The following TRIM26 variants were observed in gnomAD, a reference collection of about 807,000 sequenced individuals.
TRIM26 encodes tripartite motif containing 26, also known as tripartite motif-containing protein 26.
In TRIM26, 16 loss-of-function variants were observed where a neutral mutation model predicts 45.5. That is an observed-to-expected ratio of 0.35 (90% CI 0.24 to 0.53). The LOEUF (loss-of-function observed/expected upper bound fraction) is 0.53, where lower values mean the gene tolerates loss of function less well. TRIM26 is among the 20% of genes least tolerant of loss of function. The pLI, the probability that TRIM26 is intolerant of heterozygous loss-of-function variation, is 0.92. For missense variants in TRIM26, 442 were observed against 691.1 expected (o/e 0.64, Z 4.04); for synonymous variants, 273 against 290.4 (o/e 0.94, Z 0.61).
intron 6 of TRIM26, among the ~76,000 whole-genome samples, chr6:30,193,164 A>G (rs867176350): frequency 6.9e-4 from 20 of 29,016 alleles, no homozygotes; most frequent in Non-Finnish European, 9.9e-4. Flanking sequence ...GTGTGTGTGT[A>G]TATATATATA....
intron 6 of TRIM26, among the ~76,000 whole-genome samples, chr6:30,191,749 C>T (rs1305078073): frequency 6.6e-6 from 1 of 152,200 alleles, no homozygotes; most frequent in African/African-American, 2.4e-5. Flanking sequence ...GAAGCAAGTG[C>T]CCAGAGACTG....
chr6:30,189,052 A>C lies in TRIM26; in HGVS notation c.937+115T>G. 8.4e-7 allele frequency: 1 copy of C among 1,192,292 alleles called. No individual in the cohort carries two copies. Among genetic ancestry groups the C allele is most frequent in the Non-Finnish European group, 1.2e-6 (1 of 837,962 alleles). 73.9% of individuals were successfully genotyped at this position (1,192,292 alleles called of 1,614,324 possible). A position where few individuals can be genotyped will look rare whatever the true frequency, so the allele number is the denominator to read the frequency against. ...GGGGGGCTTCTATTGTGCAGCTGGGAAATTCTTCCTGTTGCAAAAGGGGCT... is the reference window on the plus strand; with the variant it reads ...GGGGGGCTTCTATTGTGCAGCTGGGCAATTCTTCCTGTTGCAAAAGGGGCT... On this transcript the variant is annotated intron_variant, in intron 9 of 9. Coordinates refer to ENST00000454678, the MANE Select transcript of TRIM26 (RefSeq NM_003449.5). This position sits in a 1 kb window ranked among gnomAD's most constrained non-coding sequence, Gnocchi z 5.0.
intron 9 of TRIM26, chr6:30,188,380 A>C: frequency 2.4e-6 from 1 of 412,856 alleles, no homozygotes; most frequent in East Asian, 3.7e-5. Context: ...AAGATGGTTC[A>C]AGAAACCCTG....
intron 1 of TRIM26, among the ~76,000 whole-genome samples, chr6:30,212,074 C>T (rs1778342751): frequency 6.6e-6 from 1 of 152,206 alleles, no homozygotes; most frequent in Non-Finnish European, 1.5e-5. Flanking sequence ...AATATTAAGT[C>T]ATAAATCATG....
chr6:30,207,578 A>C lies in TRIM26; in HGVS notation c.-375-2813T>G, dbSNP rs959856320. Among the ~76,000 whole-genome samples the C allele has an allele frequency of 3.9e-5, 6 of 152,222 alleles. No individual in the cohort carries two copies. The highest frequency in any genetic ancestry group is 3.3e-4 in the Admixed American group (5 of 15,286). ...GTGACCAACCAGGTTAAACCCCTCAATGGCTTTCTGGTGCTCCAGGAATAA... is the reference window on the plus strand; with the variant it reads ...GTGACCAACCAGGTTAAACCCCTCACTGGCTTTCTGGTGCTCCAGGAATAA... On this transcript the variant is annotated intron_variant, in intron 1 of 9. Coordinates refer to ENST00000454678, the MANE Select transcript of TRIM26 (RefSeq NM_003449.5). This position sits in a 1 kb window ranked among gnomAD's most constrained non-coding sequence, Gnocchi z 4.9.
chr6:30,205,807 A>C (rs1777671510), intron 1 of TRIM26, among the ~76,000 whole-genome samples: 1 of 152,156 alleles, frequency 6.6e-6, no homozygotes, highest in African/African-American at 2.4e-5. Context: ...GCGCCACTGC[A>C]CTCCAGCCTG....
rs112790986 is a variant in TRIM26 at position 30,196,496 on chromosome 6, G to T, written c.765+20C>A. ...CCACCGTCCTGGTCCCTGGCGCCCT[G>T]CCCAGGGACGGCCTCTCACCTGCAT... is the stretch of plus-strand genomic sequence containing the variant. On this transcript the variant is annotated intron_variant, in intron 6 of 9. Transcript: ENST00000454678. The surrounding 1 kb of genome is among the most constrained non-coding windows in gnomAD (Gnocchi z 4.9). 1 of 1,600,398 alleles carries T rather than the reference G, an allele frequency of 6.2e-7. No homozygotes were observed. Among genetic ancestry groups the T allele is most frequent in the Admixed American group, 1.7e-5 (1 of 59,968 alleles).
intron 3 of TRIM26, 145 bp from the exon 4 acceptor site, chr6:30,199,409 T>C: frequency 2.7e-6 from 1 of 368,674 alleles, no homozygotes; most frequent in Non-Finnish European, 4.8e-6. Context: ...TACCTTGCTG[T>C]TGGGAGAGCC....
chr6:30,202,518 A>C (rs527536424), intron 2 of TRIM26, among the ~76,000 whole-genome samples: 2 of 152,356 alleles, frequency 1.3e-5, no homozygotes, highest in African/African-American at 4.8e-5. Flanking sequence ...GAAGAGATCC[A>C]GTGGTTATCT....
At position 30,198,908 on chromosome 6, in the gene TRIM26, G is replaced by A. The variant is rs1180890528; in HGVS notation, c.196C>T (p.Arg66Ter). 1.2e-6 allele frequency: 2 copies of A among 1,612,850 alleles called. No homozygotes were observed. The highest frequency in any genetic ancestry group is 1.7e-6 in the Non-Finnish European group (2 of 1,179,920). The change falls in exon 4 of 10, where the codon CGA (arginine) becomes TGA (stop). Residue 66 changes from arginine (R) to a stop codon, truncating the protein, a stop_gained. Transcript: ENST00000454678. LOFTEE classifies it high-confidence loss of function. This position sits in a 1 kb window ranked among gnomAD's most constrained non-coding sequence, Gnocchi z 6.3. ...AGGCTGGCCAGTTGCCACACGGGTC[G>A]GATGTTCTCCTTCTTAAAAGGCTTC... is the stretch of plus-strand genomic sequence containing the variant. ...CKKPFKKENI[R>*]PVWQLASLVE...
At chr6:30,193,156 GTGTGTGTATATA>G (rs1562199833) in intron 6 of TRIM26, among the ~76,000 whole-genome samples, 1 of 50,118 alleles carries the variant, frequency 2.0e-5, no homozygotes, top group Admixed American at 3.0e-4. Flanking sequence ...GTGTGTGTGT[GTGTGTGTATATA>G]TATATATATA....
intron 6 of TRIM26, among the ~76,000 whole-genome samples, chr6:30,195,948 C>T (rs1396110660): frequency 6.6e-6 from 1 of 152,216 alleles, no homozygotes; most frequent in East Asian, 1.9e-4. Flanking sequence ...CCCTTTCTCA[C>T]TATCAAAGCC....
chr6:30,189,749 T>G lies in TRIM26; in HGVS notation c.789-216A>C, dbSNP rs951768487. On this transcript the variant is annotated intron_variant, in intron 7 of 9. Coordinates refer to ENST00000454678, the MANE Select transcript of TRIM26 (RefSeq NM_003449.5). The surrounding 1 kb of genome is among the most constrained non-coding windows in gnomAD (Gnocchi z 5.0). ...CCAGGGCGCTCTGTCTACTAAGCCA[T>G]GTTTCTAACCTCTCTGCTCTGTCCC... 2.5e-5 allele frequency: 16 copies of G among 632,926 alleles called. No homozygotes were observed. In the East Asian group the frequency reaches 4.4e-4, roughly 17 times the overall value. The allele number at this position is 632,926 out of a possible 1,614,324, so 39.2% of individuals were successfully genotyped here.
chr6:30,196,627 C>T lies in TRIM26; in HGVS notation c.654G>A (p.Thr218=), dbSNP rs137972961. ...GGCTCTTGAACTTCTCCCTGCCCTC[C>T]GTGAGCTCCTGCTCCAGCTTCGCCA... ...EQLAKLEQEL[T]EGREKFKSRG... Residue 218 remains threonine, a synonymous_variant, in exon 6 of 10, where the codon ACG becomes ACA. Coordinates refer to ENST00000454678, the MANE Select transcript of TRIM26 (RefSeq NM_003449.5). This position sits in a 1 kb window ranked among gnomAD's most constrained non-coding sequence, Gnocchi z 4.9. 41 of 1,614,008 alleles carry T rather than the reference C, an allele frequency of 2.5e-5. No homozygotes were observed. Among genetic ancestry groups the T allele is most frequent in the Middle Eastern group, 3.3e-4 (2 of 6,084 alleles).
intron 1 of TRIM26, among the ~76,000 whole-genome samples, chr6:30,212,331 A>G (rs1778367465): frequency 6.6e-6 from 1 of 152,220 alleles, no homozygotes; most frequent in Admixed American, 6.5e-5. Context: ...CCTCCATGGG[A>G]TCATGAAACA....
chr6:30,190,391 C>A lies in TRIM26; in HGVS notation c.766-356G>T. On this transcript the variant is annotated intron_variant, in intron 6 of 9. Coordinates refer to ENST00000454678, the MANE Select transcript of TRIM26 (RefSeq NM_003449.5). The surrounding 1 kb of genome is among the most constrained non-coding windows in gnomAD (Gnocchi z 4.3). ...GCCAGACTGCGCAGGGCTGGATATG[C>A]ATGGTAAGGAGTTTCACTTTTGCTC... 5.7e-6 allele frequency: 2 copies of A among 351,988 alleles called. No individual in the cohort carries two copies. The highest frequency in any genetic ancestry group is 1.1e-5 in the Non-Finnish European group (2 of 186,866). The allele number at this position is 351,988 out of a possible 1,614,324, so 21.8% of individuals were successfully genotyped here. A position where few individuals can be genotyped will look rare whatever the true frequency, so the allele number is the denominator to read the frequency against.
chr6:30,192,215 G>A (rs564197593), intron 6 of TRIM26, among the ~76,000 whole-genome samples: 3 of 152,310 alleles, frequency 2.0e-5, no homozygotes, highest in African/African-American at 7.2e-5. Flanking sequence ...AGGCAGAGCC[G>A]AGCAGTGGGG....
chr6:30,193,989 T>C (rs1776213146), intron 6 of TRIM26, among the ~76,000 whole-genome samples: 1 of 152,242 alleles, frequency 6.6e-6, no homozygotes, highest in Non-Finnish European at 1.5e-5. Flanking sequence ...CTTTAGGTTT[T>C]TCTACATATA....
intron 9 of TRIM26, among the ~76,000 whole-genome samples, chr6:30,188,091 C>A (rs369101992): frequency 6.7e-6 from 1 of 149,804 alleles, no homozygotes; most frequent in Non-Finnish European, 1.5e-5. Flanking sequence ...AGGTGGCGGG[C>A]GCCTGTAGTC....
Sources: gnomAD v4.1 joint callset for allele counts (sites outside exome capture counted in the v4.1 genomes callset) on GRCh38, gnomAD v4.1.1 for gene constraint, Gnocchi (gnomAD v3.1) non-coding constraint, MANE v1.5 for transcripts, NCBI Gene and HGNC (gene_info 2026-07-23, HGNC 2026-07-21) for gene names.